BEST3: variants seen among roughly 807,000 people sequenced by gnomAD.
The protein encoded by BEST3 is bestrophin-3.
A neutral mutation model predicts 47.1 loss-of-function variants in BEST3; 50 were observed. That is an observed-to-expected ratio of 1.06 (90% CI 0.85 to 1.34). BEST3 has a LOEUF of 1.34. Among genes scored for constraint, BEST3 ranks in the 40% most tolerant of loss-of-function variants. The pLI, the probability that BEST3 is intolerant of heterozygous loss-of-function variation, is 0.00. For synonymous variants in BEST3, 282 were observed against 298.8 expected (o/e 0.94, Z 0.58); for missense variants, 765 against 817.0 (o/e 0.94, Z 0.78).
chr12:69,645,148 C>G (rs1882991303), intron 9 of BEST3, among the ~76,000 whole-genome samples: 1 of 152,122 alleles, frequency 6.6e-6, no homozygotes, highest in Non-Finnish European at 1.5e-5. Flanking sequence ...TGAATTACAG[C>G]ACAAATTTTG....
chr12:69,651,894 T>C (rs1355184362), downstream of BEST3, among the ~76,000 whole-genome samples: 1 of 151,930 alleles, frequency 6.6e-6, no homozygotes, highest in African/African-American at 2.4e-5. Context: ...TTTAAACAAA[T>C]CTTTACTTTC....
chr12:69,684,532 G>A (rs1004044942), intron 4 of BEST3: 15 of 647,550 alleles, frequency 2.3e-5, no homozygotes, highest in Admixed American at 2.1e-4. Flanking sequence ...GTATTCAAAC[G>A]AGGCTCTATT....
At chr12:69,670,375 C>T (rs983630839) in intron 9 of BEST3, 22 of 687,134 alleles carry the variant, frequency 3.2e-5, no homozygotes, top group African/African-American at 8.8e-5. Context: ...ATGTGCTTTG[C>T]GGGCAACAAG....
At chr12:69,678,490 A>C (rs770315338) in intron 5 of BEST3, among the ~76,000 whole-genome samples, 23 of 152,142 alleles carry the variant, frequency 1.5e-4, no homozygotes, top group Admixed American at 3.3e-4. Flanking sequence ...ATACTTTCTT[A>C]CAGAGCCTAT....
At chr12:69,692,024 A>G (rs915840473) in intron 4 of BEST3, among the ~76,000 whole-genome samples, 7 of 152,176 alleles carry the variant, frequency 4.6e-5, no homozygotes, top group African/African-American at 1.7e-4. Flanking sequence ...TTCTCTTTGT[A>G]TTTTGGACAT....
chr12:69,689,367 C>CTTAGAG, intron 4 of BEST3: 1 of 533,768 alleles, frequency 1.9e-6, no homozygotes, highest in Non-Finnish European at 2.4e-6. Flanking sequence ...GCCTCCGAAG[C>CTTAGAG]GTCTCTCCTG....
At chr12:69,644,529 T>G (rs764942889) in intron 9 of BEST3, among the ~76,000 whole-genome samples, 4 of 152,206 alleles carry the variant, frequency 2.6e-5, no homozygotes, top group Admixed American at 6.5e-5. Context: ...CAGTATTTTA[T>G]GAGAATAAGT....
chr12:69,676,563 G>A (rs1220810517), intron 7 of BEST3, among the ~76,000 whole-genome samples: 1 of 152,148 alleles, frequency 6.6e-6, no homozygotes, highest in Non-Finnish European at 1.5e-5. Flanking sequence ...AAGGCTTCTT[G>A]TTGACTCTTT....
chr12:69,673,003 C>T (rs1884677229), intron 7 of BEST3, 38 bp from the exon 8 acceptor site: 2 of 1,479,542 alleles, frequency 1.4e-6, no homozygotes, highest in Non-Finnish European at 1.9e-6. Flanking sequence ...ATCATGATAC[C>T]TGTGAAAACT....
At chr12:69,694,179 C>T in intron 3 of BEST3, 191 bp downstream of exon 3, 1 of 572,980 alleles carries the variant, frequency 1.7e-6, no homozygotes, top group African/African-American at 1.9e-5. Flanking sequence ...AGATTATTTC[C>T]TCAAACTTGT....
Position 69,654,908 on chromosome 12 carries a change from C to A in BEST3, c.2006G>T (p.Ter669LeuextTer10). ...LNKETEESPK[*>L] ...CCAGGTCCTAGAACTTGGTGGCACT[C>A]ATTTGGGTGATTCCTCAGTTTCCTT... Residue 669 changes from the stop codon to leucine, a stop_lost, in exon 10 of 10, where the codon TGA (stop) becomes TTA (leucine). Transcript: ENST00000330891. 6.2e-7 allele frequency: 1 copy of A among 1,608,336 alleles called. No homozygotes were observed. The highest frequency in any genetic ancestry group is 8.5e-7 in the Non-Finnish European group (1 of 1,176,394).
rs1565820536 is a variant in BEST3 at position 69,655,283 on chromosome 12, C to G, written c.1631G>C (p.Gly544Ala). 1 of 1,614,152 alleles carries G rather than the reference C, an allele frequency of 6.2e-7. No individual in the cohort carries two copies. The highest frequency in any genetic ancestry group is 8.5e-7 in the Non-Finnish European group (1 of 1,180,026). ...GGGAGACAGGATGGATCCCATGGGG[C>G]CCTGCTGCTGCTCAGTCTTGCTTGG... ...VQPSKTEQQQGPMGSILSPSE... is the reference protein window; with the variant it reads ...VQPSKTEQQQAPMGSILSPSE... The change falls in exon 10 of 10, where the codon GGC becomes GCC. Residue 544 changes from glycine (G) to alanine (A), a missense_variant. Coordinates refer to ENST00000330891, the MANE Select transcript of BEST3 (RefSeq NM_032735.3).
chr12:69,645,530 A>T (rs1162531940), intron 9 of BEST3, among the ~76,000 whole-genome samples: 1 of 152,164 alleles, frequency 6.6e-6, no homozygotes, highest in Non-Finnish European at 1.5e-5. Flanking sequence ...TTGACTGTTC[A>T]TCAGTTGTGT....
intron 9 of BEST3, among the ~76,000 whole-genome samples, chr12:69,664,457 A>T (rs775508): frequency 0.98 from 148,487 of 152,142 alleles, 72,565 homozygotes; most frequent in East Asian, 1. Flanking sequence ...CAGTTCTGTG[A>T]CTTCTTTAGG....
At chr12:69,650,168 G>A (rs1031121001), downstream of BEST3, among the ~76,000 whole-genome samples, 25 of 152,348 alleles carry the variant, frequency 1.6e-4, no homozygotes, top group Middle Eastern at 6.8e-3. Flanking sequence ...TGAGCTGACT[G>A]CACAGGTGGA....
chr12:69,686,771 C>CAAAAAAACAAACAAAAA lies in BEST3; in HGVS notation c.481+6902_481+6903insTTTTTGTTTGTTTTTTT, dbSNP rs1555208488. ...TGGGCAACAGAGCAAGATTCTGCCT[C>CAAAAAAACAAACAAAAA]AAAAAAACAAAAAAAAAAGAAAGAA... On this transcript the variant is annotated intron_variant, in intron 4 of 9. Transcript: ENST00000330891. Among the ~76,000 whole-genome samples the CAAAAAAACAAACAAAAA allele has an allele frequency of 1.1e-3, 53 of 49,912 alleles. 1 individual carries two copies. The highest frequency in any genetic ancestry group is 4.8e-3 in the African/African-American group (43 of 9,012). The allele number at this position is 49,912 out of a possible 152,430, so 32.7% of individuals were successfully genotyped here.
chr12:69,651,005 C>T (rs986173075), downstream of BEST3, among the ~76,000 whole-genome samples: 13 of 152,280 alleles, frequency 8.5e-5, no homozygotes, highest in South Asian at 4.1e-4. Context: ...CCAGCTTCTC[C>T]GGAGGCTGAG....
chr12:69,683,736 A>G (rs571792679), intron 4 of BEST3: 1 of 152,222 alleles, frequency 6.6e-6, no homozygotes, highest in African/African-American at 2.4e-5. Context: ...GGCACACGTC[A>G]TCAGGACCAC....
chr12:69,686,959 A>T (rs962046861), intron 4 of BEST3, among the ~76,000 whole-genome samples: 41 of 151,978 alleles, frequency 2.7e-4, no homozygotes, highest in African/African-American at 8.9e-4. Context: ...ATTTCACAAG[A>T]CTGTTTTGAT....
Sources: allele counts gnomAD v4.1 joint callset (sites outside exome capture counted in the v4.1 genomes callset), GRCh38; gene constraint gnomAD v4.1.1; transcripts MANE v1.5; gene names NCBI Gene and HGNC (gene_info 2026-07-23, HGNC 2026-07-21).